EXT2: variants seen among roughly 807,000 people sequenced by gnomAD.
The protein encoded by EXT2 is exostosin-2.
In EXT2, 53 loss-of-function variants were observed where a neutral mutation model predicts 81.6. The observed-to-expected ratio is 0.65, with a 90% CI of 0.52 to 0.82. The LOEUF (loss-of-function observed/expected upper bound fraction) is 0.82, where lower values mean the gene tolerates loss of function less well. EXT2 is among the 40% of genes least tolerant of loss of function. EXT2 has a pLI of 0.00. For synonymous variants in EXT2, 320 were observed against 340.0 expected, an observed-to-expected ratio of 0.94 and a Z score of 0.65; for missense variants, 774 against 910.2, an observed-to-expected ratio of 0.85 and a Z score of 1.93.
In EXT2 at chr11:44,197,819, C is replaced by T. The variant is rs1565230894; in HGVS notation, c.1306-10C>T. On this transcript the variant is annotated splice_polypyrimidine_tract_variant and intron_variant, in intron 8 of 13. Transcript: ENST00000533608. ...GCTTTTCTGACCCGTGTTAATCTGT[C>T]CTCTTGTAGAAGTGGGGCAGCGTGA... 3.7e-6 allele frequency: 6 copies of T among 1,613,842 alleles called. No homozygotes were observed. Among genetic ancestry groups the T allele is most frequent in the East Asian group, 2.2e-5 (1 of 44,866 alleles).
chr11:44,149,186 GC>G (rs888223177), intron 7 of EXT2, among the ~76,000 whole-genome samples: 1 of 152,036 alleles, frequency 6.6e-6, no homozygotes, highest in African/African-American at 2.4e-5. Flanking sequence ...ACACAGCAAG[GC>G]CCCATCTCTA....
Position 44,114,177 on chromosome 11 carries a change from G to T in EXT2, c.627-8G>T. 6.2e-7 allele frequency: 1 copy of T among 1,612,532 alleles called. No individual in the cohort carries two copies. The highest frequency in any genetic ancestry group is 2.2e-5 in the East Asian group (1 of 44,860). ...TTCTCATCGTTTAACAAAATACTTTGCTTTCAGGGCCCTGTTGGCTGGTGG... is the reference window on the plus strand; with the variant it reads ...TTCTCATCGTTTAACAAAATACTTTTCTTTCAGGGCCCTGTTGGCTGGTGG... On this transcript the variant is annotated splice_region_variant and splice_polypyrimidine_tract_variant and intron_variant, in intron 3 of 13. Coordinates refer to ENST00000533608, the MANE Select transcript of EXT2 (RefSeq NM_207122.2).
At chr11:44,202,253 C>T (rs1020184183) in intron 9 of EXT2, among the ~76,000 whole-genome samples, 5 of 152,190 alleles carry the variant, frequency 3.3e-5, no homozygotes, top group African/African-American at 7.2e-5. Context: ...GACATGGTCT[C>T]AAGTAATTCT....
rs1186013734 is a variant in EXT2 at position 44,245,703 on chromosome 11, T to C, written c.*1416T>C. Reference sequence around the variant, plus strand: ...TGAGTGACATGAAGGTGGGCAGTTATTATGCTGTAGTTTCATCAAGAGTCA... The same window carrying C: ...TGAGTGACATGAAGGTGGGCAGTTACTATGCTGTAGTTTCATCAAGAGTCA... On this transcript the variant is annotated 3_prime_UTR_variant, in exon 14 of 14. Transcript: ENST00000533608. 2.0e-5 allele frequency among the ~76,000 whole-genome samples: 3 copies of C among 152,228 alleles called. No homozygotes were observed. Among genetic ancestry groups the C allele is most frequent in the African/African-American group, 7.2e-5 (3 of 41,464 alleles).
intron 9 of EXT2, among the ~76,000 whole-genome samples, chr11:44,203,746 C>T (rs560110801): frequency 8.5e-4 from 128 of 151,302 alleles, no homozygotes; most frequent in Non-Finnish European, 1.3e-3. Context: ...TGCCTGCCTG[C>T]TGGCCAGGCA....
intron 4 of EXT2, among the ~76,000 whole-genome samples, chr11:44,117,789 G>A (rs967148004): frequency 2.6e-5 from 4 of 152,042 alleles, no homozygotes; most frequent in Admixed American, 6.6e-5. Context: ...ACGAGGTCTC[G>A]CTCTGTCACC....
chr11:44,099,752 C>T (rs1953955875), intron 1 of EXT2, among the ~76,000 whole-genome samples: 1 of 152,190 alleles, frequency 6.6e-6, no homozygotes, highest in Non-Finnish European at 1.5e-5. Flanking sequence ...TAAAATGTGG[C>T]AAGTGCTAGA....
At chr11:44,137,321 C>T (rs900662368) in intron 7 of EXT2, among the ~76,000 whole-genome samples, 2 of 152,184 alleles carry the variant, frequency 1.3e-5, no homozygotes, top group Admixed American at 6.5e-5. Context: ...TTTTGTATAG[C>T]TTCTGAGATC....
rs759240535 is a variant in EXT2, at chr11:44,126,975, A to G, written c.1079+20A>G. 6.2e-6 allele frequency: 10 copies of G among 1,613,524 alleles called. No individual in the cohort carries two copies. Among genetic ancestry groups the G allele is most frequent in the Non-Finnish European group, 8.5e-6 (10 of 1,179,636 alleles). On this transcript the variant is annotated intron_variant, in intron 6 of 13. Coordinates refer to ENST00000533608, the MANE Select transcript of EXT2 (RefSeq NM_207122.2). ...GAAGAGGTGGGTAGTACCTCCTAGT[A>G]AACTCTACATTAGTGGTTCTGCGTA...
chr11:44,183,427 G>A (rs1372186644), intron 8 of EXT2, among the ~76,000 whole-genome samples: 1 of 151,986 alleles, frequency 6.6e-6, no homozygotes, highest in Non-Finnish European at 1.5e-5. Context: ...TTTTTTTGAG[G>A]GTGATTTGTC....
At chr11:44,154,690 T>C (rs2135091269) in intron 7 of EXT2, among the ~76,000 whole-genome samples, 1 of 152,248 alleles carries the variant, frequency 6.6e-6, no homozygotes, top group South Asian at 2.1e-4. Flanking sequence ...TTTAGTTCTA[T>C]TTTTAGTTTT....
In EXT2 at chr11:44,250,488, C is replaced by T. The variant is rs938865728; in HGVS notation, c.*6201C>T. Among the ~76,000 whole-genome samples the T allele has an allele frequency of 6.6e-6, 1 of 152,228 alleles. No individual in the cohort carries two copies. Among genetic ancestry groups the T allele is most frequent in the Non-Finnish European group, 1.5e-5 (1 of 68,040 alleles). On this transcript the variant is annotated 3_prime_UTR_variant, in exon 14 of 14. Transcript: ENST00000533608. ...ACCAGATTGTACCTGGTGATGCTGGCAGCCAGCCCTCTTCCGGCCCCTATT... is the reference window on the plus strand; with the variant it reads ...ACCAGATTGTACCTGGTGATGCTGGTAGCCAGCCCTCTTCCGGCCCCTATT...
At chr11:44,106,472 C>G (rs998848351) in intron 1 of EXT2, among the ~76,000 whole-genome samples, 1 of 152,094 alleles carries the variant, frequency 6.6e-6, no homozygotes, top group Admixed American at 6.5e-5. Context: ...TCCTTTTGTA[C>G]TTAATCGATA....
intron 7 of EXT2, among the ~76,000 whole-genome samples, chr11:44,143,977 G>T (rs937466242): frequency 6.6e-6 from 1 of 152,156 alleles, no homozygotes; most frequent in African/African-American, 2.4e-5. Context: ...GATTTCTCCC[G>T]TCTTACTCCC....
chr11:44,102,681 G>A (rs554032670), intron 1 of EXT2, among the ~76,000 whole-genome samples: 2 of 152,132 alleles, frequency 1.3e-5, no homozygotes, highest in South Asian at 2.1e-4. Flanking sequence ...GGACTCTGGA[G>A]TCAGTTCCTG....
chr11:44,209,928 T>C (rs1210002320), intron 10 of EXT2, among the ~76,000 whole-genome samples: 1 of 152,368 alleles, frequency 6.6e-6, no homozygotes, highest in African/African-American at 2.4e-5. Context: ...CTAACCCAGT[T>C]CATTGCATTC....
intron 10 of EXT2, among the ~76,000 whole-genome samples, chr11:44,208,042 A>G (rs994288516): frequency 2.0e-5 from 3 of 152,320 alleles, no homozygotes; most frequent in African/African-American, 7.2e-5. Context: ...AGCTAATAAA[A>G]CATACATTCA....
rs995421316 is a variant in EXT2 at position 44,244,711 on chromosome 11, T to C, written c.*424T>C. 3 of 271,988 alleles carry C rather than the reference T, an allele frequency of 1.1e-5. No individual in the cohort carries two copies. Among genetic ancestry groups the C allele is most frequent in the Non-Finnish European group, 2.1e-5 (3 of 140,934 alleles). 16.8% of individuals were successfully genotyped at this position (271,988 alleles called of 1,614,324 possible). ...TGTAAAGGGTACCCAGACCTCACTTTTAGTTATTTACATCAATGAGTTCTT... is the reference window on the plus strand; with the variant it reads ...TGTAAAGGGTACCCAGACCTCACTTCTAGTTATTTACATCAATGAGTTCTT... On this transcript the variant is annotated 3_prime_UTR_variant, in exon 14 of 14. Coordinates refer to ENST00000533608, the MANE Select transcript of EXT2 (RefSeq NM_207122.2).
intron 7 of EXT2, among the ~76,000 whole-genome samples, chr11:44,169,020 G>C (rs1297680666): frequency 6.6e-6 from 1 of 152,086 alleles, no homozygotes; most frequent in Non-Finnish European, 1.5e-5. Context: ...AGGAGTTTGA[G>C]ACCAGTCTGA....
Sources: allele counts gnomAD v4.1 joint callset (sites outside exome capture counted in the v4.1 genomes callset), GRCh38; gene constraint gnomAD v4.1.1; transcripts MANE v1.5; gene names NCBI Gene and HGNC (gene_info 2026-07-23, HGNC 2026-07-21).